GRID2: variants seen among roughly 807,000 people sequenced by gnomAD.
GRID2 encodes glutamate ionotropic receptor delta type subunit 2.
A neutral mutation model predicts 114.8 loss-of-function variants in GRID2; 33 were observed. The ratio of observed to expected loss-of-function variants is 0.29; its 90% CI spans 0.22 to 0.38. The LOEUF is 0.38. Among genes scored for constraint, GRID2 ranks in the 10% least tolerant of loss-of-function variants. The pLI is 1.00. For missense variants in GRID2, 1,184 were observed against 1,257.7 expected (o/e 0.94, Z 0.89); for synonymous variants, 505 against 449.9 (o/e 1.12, Z -1.55).
chr4:93,479,323 G>T (rs933308634), intron 11 of GRID2, among the ~76,000 whole-genome samples: 1 of 152,018 alleles, frequency 6.6e-6, no homozygotes, highest in Non-Finnish European at 1.5e-5. Flanking sequence ...AAATAAGTTT[G>T]TAAAAAAATG....
intron 14 of GRID2, among the ~76,000 whole-genome samples, chr4:93,695,802 T>C (rs565589056): frequency 6.6e-6 from 1 of 152,232 alleles, no homozygotes; most frequent in South Asian, 2.1e-4. Context: ...ACTTAGCCTC[T>C]CTAAGCCGCT....
At chr4:93,149,030 T>A (rs993461031) in intron 4 of GRID2, among the ~76,000 whole-genome samples, 1 of 152,168 alleles carries the variant, frequency 6.6e-6, no homozygotes, top group Admixed American at 6.6e-5. Context: ...ACAGTCATTA[T>A]TTTCAGGGCC....
rs189414710 is a variant in GRID2, at chr4:93,626,340, T to C, written c.2265T>C (p.Asp755=). ...VLEYVAINDP[D]CSFYTIGNTV... ...AATATGTGGCTATCAATGACCCAGA[T>C]TGTTCCTTTTACACCATTGGAAATA... Residue 755 remains aspartate (D), a synonymous_variant, in exon 14 of 16, where the codon GAT becomes GAC. Coordinates refer to ENST00000282020, the MANE Select transcript of GRID2 (RefSeq NM_001510.4). 1.4e-4 allele frequency: 221 copies of C among 1,603,050 alleles called. No individual in the cohort carries two copies. The East Asian group carries it at 4.2e-3, about 31-fold the overall frequency.
At chr4:93,479,860 T>C (rs922386007) in intron 11 of GRID2, among the ~76,000 whole-genome samples, 2 of 152,052 alleles carry the variant, frequency 1.3e-5, no homozygotes, top group African/African-American at 4.8e-5. Flanking sequence ...GTTTTACCAG[T>C]TGTCTGTTCC....
At chr4:92,937,741 GA>G (rs1414320096) in intron 2 of GRID2, among the ~76,000 whole-genome samples, 2 of 146,356 alleles carry the variant, frequency 1.4e-5, no homozygotes, top group Middle Eastern at 3.6e-3. Flanking sequence ...AGCAAAAAAA[GA>G]AAAAAATCAT....
At chr4:92,675,277 A>G (rs1302896842) in intron 2 of GRID2, among the ~76,000 whole-genome samples, 1 of 152,158 alleles carries the variant, frequency 6.6e-6, no homozygotes, top group Non-Finnish European at 1.5e-5. Context: ...TGGCTTTTGG[A>G]ATAGCTGTTT....
At chr4:93,102,357 T>C (rs775933800) in intron 3 of GRID2, among the ~76,000 whole-genome samples, 145 of 152,288 alleles carry the variant, frequency 9.5e-4, no homozygotes, top group Middle Eastern at 6.8e-3. Context: ...ATAATAAGTA[T>C]TGACAAAATA....
chr4:92,900,725 G>A (rs1299261912), intron 2 of GRID2, among the ~76,000 whole-genome samples: 2 of 151,038 alleles, frequency 1.3e-5, no homozygotes, highest in Admixed American at 6.6e-5. Flanking sequence ...TCCCAGCTAC[G>A]CCGGAGGCTG....
At chr4:92,991,892 A>G (rs2149204742) in intron 2 of GRID2, among the ~76,000 whole-genome samples, 1 of 152,342 alleles carries the variant, frequency 6.6e-6, no homozygotes, top group African/African-American at 2.4e-5. Flanking sequence ...ACATTACAGG[A>G]TACATAGGAG....
At chr4:92,743,181 G>A (rs1399251733) in intron 2 of GRID2, among the ~76,000 whole-genome samples, 1 of 152,122 alleles carries the variant, frequency 6.6e-6, no homozygotes, top group Non-Finnish European at 1.5e-5. Flanking sequence ...GGAATTTCAG[G>A]TAGGAGGATC....
In GRID2 at chr4:92,936,219, T is replaced by G. The variant is rs1750663076; in HGVS notation, c.245-148776T>G. ...CAAACGAATCATTATGAAACACTTT[T>G]GACACCAATTTGATCTGTTGACTAA... On this transcript the variant is annotated intron_variant, in intron 2 of 15. Coordinates refer to ENST00000282020, the MANE Select transcript of GRID2 (RefSeq NM_001510.4). Among the ~76,000 whole-genome samples, 2 of 146,518 alleles carry G rather than the reference T, an allele frequency of 1.4e-5. 1 individual carries two copies. Among genetic ancestry groups the G allele is most frequent in the Non-Finnish European group, 3.0e-5 (2 of 66,178 alleles).
At chr4:92,870,075 C>T (rs1409385431) in intron 2 of GRID2, among the ~76,000 whole-genome samples, 1 of 151,670 alleles carries the variant, frequency 6.6e-6, no homozygotes, top group African/African-American at 2.4e-5. Flanking sequence ...GTGGTTCATG[C>T]CTGTATTCCT....
chr4:92,393,357 T>TGA (rs1308656184), intron 1 of GRID2, among the ~76,000 whole-genome samples: 1 of 152,198 alleles, frequency 6.6e-6, no homozygotes, highest in Non-Finnish European at 1.5e-5. Flanking sequence ...TATAGAATGA[T>TGA]GCAGTGTAAT....
chr4:93,454,766 GA>G (rs1723032817), intron 10 of GRID2, among the ~76,000 whole-genome samples: 1 of 151,982 alleles, frequency 6.6e-6, no homozygotes. Flanking sequence ...GAAAATACAA[GA>G]AAATGTTCAA....
chr4:93,518,970 G>A lies in GRID2; in HGVS notation c.2193+3559G>A, dbSNP rs529883703. Among the ~76,000 whole-genome samples, 18 of 152,224 alleles carry A rather than the reference G, an allele frequency of 1.2e-4. No individual in the cohort carries two copies. In the South Asian group the frequency reaches 3.5e-3, roughly 30 times the overall value. ...AGGTAGAGAGCAGATGAATCATGTA[G>A]GGTCTAGCAATGCAAAGTATGGTCC... On this transcript the variant is annotated intron_variant, in intron 13 of 15. Transcript: ENST00000282020.
chr4:93,304,758 A>AT (rs1322696360), intron 8 of GRID2, among the ~76,000 whole-genome samples: 3 of 151,834 alleles, frequency 2.0e-5, no homozygotes, highest in East Asian at 3.9e-4. Flanking sequence ...GGTAGCAAAT[A>AT]TTTTTTTAAT....
intron 2 of GRID2, among the ~76,000 whole-genome samples, chr4:92,729,401 GTGTATGTTCA>G (rs1275672418): frequency 1.3e-5 from 2 of 151,886 alleles, no homozygotes; most frequent in African/African-American, 4.8e-5. Flanking sequence ...AGTATTACCT[GTGTATGTTCA>G]CCACCCTTAC....
chr4:92,385,339 T>G lies in GRID2; in HGVS notation c.88+80595T>G, dbSNP rs145303735. Among the ~76,000 whole-genome samples the G allele has an allele frequency of 1.7e-3, 252 of 151,978 alleles. 1 individual carries two copies. The highest frequency in any genetic ancestry group is 5.7e-3 in the African/African-American group (236 of 41,534). ...GTCAGTGTTTTGTTGTTAGTATTAT[T>G]TGCTATTTTCAAAAACATTTTAAAA... On this transcript the variant is annotated intron_variant, in intron 1 of 15. Coordinates refer to ENST00000282020, the MANE Select transcript of GRID2 (RefSeq NM_001510.4).
At chr4:92,639,629 A>G (rs1205676075) in intron 2 of GRID2, among the ~76,000 whole-genome samples, 2 of 151,564 alleles carry the variant, frequency 1.3e-5, no homozygotes, top group African/African-American at 4.8e-5. Context: ...TCACATTAAG[A>G]TGTTATGAAA....
Sources: allele counts gnomAD v4.1 joint callset (sites outside exome capture counted in the v4.1 genomes callset), GRCh38; gene constraint gnomAD v4.1.1; transcripts MANE v1.5; gene names NCBI Gene and HGNC (gene_info 2026-07-23, HGNC 2026-07-21).